Variants in AGAP1 observed in about 807,000 individuals in gnomAD.
The protein encoded by AGAP1 is arf-GAP with GTPase, ANK repeat and PH domain-containing protein 1.
In AGAP1, 29 loss-of-function variants were observed where a neutral mutation model predicts 105.3. The ratio of observed to expected loss-of-function variants is 0.28; its 90% CI spans 0.21 to 0.38. The LOEUF is 0.38. Ranked by LOEUF, AGAP1 falls within the 10% of genes least tolerant of loss-of-function variation. The pLI is 1.00. For synonymous variants in AGAP1, 509 were observed against 485.9 expected (o/e 1.05, Z -0.63); for missense variants, 998 against 1,165.1 (o/e 0.86, Z 2.09).
chr2:235,538,427 A>ATATGTGTGTGTGTGTGTG (rs1553561885), intron 1 of AGAP1, among the ~76,000 whole-genome samples: 1 of 135,334 alleles, frequency 7.4e-6, no homozygotes, highest in African/African-American at 2.8e-5. Context: ...CTCAGCCACT[A>ATATGTGTGTGTGTGTGTG]TGTGTGTGTG....
At chr2:235,834,534 A>G (rs894219726) in intron 9 of AGAP1, among the ~76,000 whole-genome samples, 5 of 152,206 alleles carry the variant, frequency 3.3e-5, no homozygotes, top group African/African-American at 4.8e-5. Context: ...AGCATAACCC[A>G]TAATTATGGC....
At chr2:235,628,199 A>G (rs1460797483) in intron 1 of AGAP1, among the ~76,000 whole-genome samples, 1 of 152,122 alleles carries the variant, frequency 6.6e-6, no homozygotes, top group African/African-American at 2.4e-5. Flanking sequence ...AGCACACGTC[A>G]GGCACTGTCT....
Position 235,793,303 on chromosome 2 carries a change from G to A in AGAP1, c.674-4456G>A, listed in dbSNP as rs1194460099. On this transcript the variant is annotated intron_variant, in intron 6 of 17. Transcript: ENST00000304032. This position sits in a 1 kb window ranked among gnomAD's most constrained non-coding sequence, Gnocchi z 5.3. Reference sequence around the variant, plus strand: ...GGTGTAATCCGGGCAGCCTTGGCGAGCACCTCCTGTGTGCCAGTCACCACA... The same window carrying A: ...GGTGTAATCCGGGCAGCCTTGGCGAACACCTCCTGTGTGCCAGTCACCACA... Among the ~76,000 whole-genome samples the A allele has an allele frequency of 2.0e-5, 3 of 152,304 alleles. No homozygotes were observed. The East Asian group carries it at 5.8e-4, about 30-fold the overall frequency.
chr2:235,903,135 A>G (rs2051143480), intron 10 of AGAP1, among the ~76,000 whole-genome samples: 1 of 152,136 alleles, frequency 6.6e-6, no homozygotes, highest in Non-Finnish European at 1.5e-5. Flanking sequence ...TCAGTATTAT[A>G]TATTAATATA....
At chr2:236,016,859 G>GT (rs2125584739) in intron 13 of AGAP1, among the ~76,000 whole-genome samples, 1 of 152,238 alleles carries the variant, frequency 6.6e-6, no homozygotes, top group Admixed American at 6.5e-5. Flanking sequence ...CTCAGTTATA[G>GT]TAAGTTTCTG....
intron 13 of AGAP1, among the ~76,000 whole-genome samples, chr2:235,984,525 G>A (rs2055226872): frequency 6.8e-6 from 1 of 146,706 alleles, no homozygotes; most frequent in South Asian, 2.2e-4. Flanking sequence ...CGCAGATTGT[G>A]CAGGTTTGTT....
At chr2:236,031,166 C>T (rs1265086723) in intron 13 of AGAP1, among the ~76,000 whole-genome samples, 1 of 152,102 alleles carries the variant, frequency 6.6e-6, no homozygotes, top group East Asian at 1.9e-4. Context: ...GAGAACTGTA[C>T]ATGTCTGTAG....
intron 1 of AGAP1, among the ~76,000 whole-genome samples, chr2:235,588,640 T>C (rs1945214162): frequency 6.6e-6 from 1 of 152,194 alleles, no homozygotes; most frequent in Admixed American, 6.5e-5. Context: ...CCTAATTCCT[T>C]TTTGGAAAAA....
intron 12 of AGAP1, among the ~76,000 whole-genome samples, chr2:235,956,810 T>C (rs929847505): frequency 8.5e-5 from 13 of 152,220 alleles, no homozygotes; most frequent in African/African-American, 3.1e-4. Context: ...CATTTGTTCA[T>C]CCAGACTCAG....
rs1039230878 is a variant in AGAP1, at chr2:235,874,055, G to GTTTTGT, written c.1051-9274_1051-9269dup. 1.3e-5 allele frequency among the ~76,000 whole-genome samples: 2 copies of GTTTTGT among 150,832 alleles called. No homozygotes were observed. The highest frequency in any genetic ancestry group is 2.4e-5 in the African/African-American group (1 of 40,948). On this transcript the variant is annotated intron_variant, in intron 9 of 17. Transcript: ENST00000304032. The surrounding 1 kb of genome is among the most constrained non-coding windows in gnomAD (Gnocchi z 4.5). ...AGAACCGCATTCTGTTTTTTGTTTT[G>GTTTTGT]TTTTGTTTTTGTTTTTGTTTTGAGA... is the stretch of plus-strand genomic sequence containing the variant.
chr2:236,072,828 C>A (rs1050538805), intron 16 of AGAP1, among the ~76,000 whole-genome samples: 1 of 152,062 alleles, frequency 6.6e-6, no homozygotes, highest in Admixed American at 6.5e-5. Flanking sequence ...TGCTGTCCAG[C>A]TGAACTATAC....
At chr2:235,646,926 G>A (rs1947406640) in intron 1 of AGAP1, among the ~76,000 whole-genome samples, 1 of 152,136 alleles carries the variant, frequency 6.6e-6, no homozygotes, top group Non-Finnish European at 1.5e-5. Flanking sequence ...ACGAGGTCAG[G>A]AGATGGAGAC....
chr2:236,115,862 TG>T (rs1417411962), intron 16 of AGAP1, among the ~76,000 whole-genome samples: 4 of 152,240 alleles, frequency 2.6e-5, no homozygotes, highest in Non-Finnish European at 5.9e-5. Flanking sequence ...TGGAGTGCAG[TG>T]GCGCAATCTT....
chr2:235,604,489 A>AT (rs1437224398), intron 1 of AGAP1, among the ~76,000 whole-genome samples: 2 of 150,972 alleles, frequency 1.3e-5, no homozygotes, highest in Non-Finnish European at 3.0e-5. Flanking sequence ...ATCAAAATAA[A>AT]AAAAAAAAAA....
intron 1 of AGAP1, among the ~76,000 whole-genome samples, chr2:235,641,946 T>C (rs1211073065): frequency 6.6e-6 from 1 of 152,266 alleles, no homozygotes; most frequent in Non-Finnish European, 1.5e-5. Flanking sequence ...TCTCTGAAAC[T>C]GCTCCTCTGT....
intron 13 of AGAP1, among the ~76,000 whole-genome samples, chr2:236,030,201 C>T (rs147178573): frequency 0.014 from 2,073 of 152,260 alleles, 53 homozygotes; most frequent in African/African-American, 0.047. Flanking sequence ...TCTCTAGAGA[C>T]GGGGTCTCAC....
rs140006292 is a variant in AGAP1 at position 236,012,990 on chromosome 2, G to A, written c.1646-23571G>A. On this transcript the variant is annotated intron_variant, in intron 13 of 17. Transcript: ENST00000304032. This position sits in a 1 kb window ranked among gnomAD's most constrained non-coding sequence, Gnocchi z 4.9. ...TCGAACTTCTGTCCTCAAGTGATCC[G>A]CCCACCTCAGCCTCCCAAAGTGCTG... is the stretch of plus-strand genomic sequence containing the variant. Among the ~76,000 whole-genome samples, 1,124 of 152,126 alleles carry A rather than the reference G, an allele frequency of 7.4e-3. 11 individuals are homozygous for A. Among genetic ancestry groups the A allele is most frequent in the African/African-American group, 0.026 (1,063 of 41,496 alleles).
chr2:235,722,891 TAA>T (rs113264356), intron 3 of AGAP1, among the ~76,000 whole-genome samples: 4 of 144,352 alleles, frequency 2.8e-5, no homozygotes, highest in African/African-American at 7.7e-5. Context: ...GCAAATGAGC[TAA>T]AAAAAAAAAA....
In AGAP1 at chr2:235,700,787, G is replaced by A. The variant is rs1052327564; in HGVS notation, c.164-8392G>A. Among the ~76,000 whole-genome samples the A allele has an allele frequency of 2.0e-5, 3 of 151,204 alleles. No homozygotes were observed. The highest frequency in any genetic ancestry group is 6.6e-5 in the Admixed American group (1 of 15,130). ...TGCACTCCAGGCTGGGCGACAAAGC[G>A]AGAATCTGTCTCTGTCTCTCTCTCT... On this transcript the variant is annotated intron_variant, in intron 1 of 17. Coordinates refer to ENST00000304032, the MANE Select transcript of AGAP1 (RefSeq NM_001037131.3). This position sits in a 1 kb window ranked among gnomAD's most constrained non-coding sequence, Gnocchi z 6.1.
Sources: allele counts gnomAD v4.1 joint callset (sites outside exome capture counted in the v4.1 genomes callset), GRCh38; gene constraint gnomAD v4.1.1; non-coding constraint Gnocchi (gnomAD v3.1); transcripts MANE v1.5; gene names NCBI Gene and HGNC (gene_info 2026-07-23, HGNC 2026-07-21).